Variants in BICC1 observed in about 807,000 individuals in gnomAD.
The protein encoded by BICC1 is BicC family RNA binding protein 1, also known as protein bicaudal C homolog 1.
Under a neutral mutation model 111.0 loss-of-function variants are expected in BICC1, and 43 were observed. The observed-to-expected ratio is 0.39, with a 90% CI of 0.30 to 0.50. The LOEUF (loss-of-function observed/expected upper bound fraction) is 0.50. Among genes scored for constraint, BICC1 ranks in the 20% least tolerant of loss-of-function variants. BICC1 has a pLI of 0.88. For synonymous variants in BICC1, 467 were observed against 434.4 expected (o/e 1.07, Z -0.93); for missense variants, 1,091 against 1,203.2 (o/e 0.91, Z 1.38).
chr10:58,703,931 G>A (rs1345851037), intron 3 of BICC1, among the ~76,000 whole-genome samples: 1 of 64,870 alleles, frequency 1.5e-5, no homozygotes, highest in Non-Finnish European at 2.9e-5. Context: ...CAGTATCCAT[G>A]CTGTTGTTTT....
chr10:58,629,990 G>A (rs950299688), intron 2 of BICC1, among the ~76,000 whole-genome samples: 1 of 152,094 alleles, frequency 6.6e-6, no homozygotes, highest in Non-Finnish European at 1.5e-5. Flanking sequence ...AAAAGGAGAG[G>A]AGAAGGCCTT....
intron 3 of BICC1, among the ~76,000 whole-genome samples, chr10:58,725,618 G>A (rs1841080643): frequency 6.6e-6 from 1 of 152,058 alleles, no homozygotes; most frequent in Non-Finnish European, 1.5e-5. Flanking sequence ...TTTGTCTGTG[G>A]GTTTGCTTAT....
At chr10:58,820,093 T>C (rs1230212233) in intron 19 of BICC1, among the ~76,000 whole-genome samples, 1 of 152,158 alleles carries the variant, frequency 6.6e-6, no homozygotes, top group Non-Finnish European at 1.5e-5. Context: ...CAGATAATGC[T>C]CTTCCTTTTA....
At chr10:58,796,635 T>G in intron 10 of BICC1, 109 bp downstream of exon 10, 2 of 1,095,746 alleles carry the variant, frequency 1.8e-6, no homozygotes, top group Non-Finnish European at 2.5e-6. Flanking sequence ...TTTTTTCCTT[T>G]GGGCTCTAAG....
chr10:58,607,317 AAAAT>A (rs370698110), intron 1 of BICC1, among the ~76,000 whole-genome samples: 1 of 134,668 alleles, frequency 7.4e-6, no homozygotes, highest in Non-Finnish European at 1.6e-5. Context: ...ACTCTGTCTC[AAAAT>A]AAATAAATAA....
chr10:58,528,735 G>C (rs1221559650), intron 1 of BICC1, among the ~76,000 whole-genome samples: 10 of 151,874 alleles, frequency 6.6e-5, no homozygotes, highest in Admixed American at 6.6e-4. Flanking sequence ...AGCCTCTCAG[G>C]GTTTTGGATT....
At chr10:58,627,933 T>C (rs1034846221) in intron 2 of BICC1, among the ~76,000 whole-genome samples, 2 of 152,228 alleles carry the variant, frequency 1.3e-5, no homozygotes, top group African/African-American at 4.8e-5. Flanking sequence ...ATTGGATTAT[T>C]ATGTAGGCAT....
intron 1 of BICC1, among the ~76,000 whole-genome samples, chr10:58,567,409 T>C (rs549467491): frequency 8.3e-4 from 126 of 152,096 alleles, no homozygotes; most frequent in Middle Eastern, 3.4e-3. Flanking sequence ...AGGGGAGATA[T>C]ATATATATGT....
Position 58,798,965 on chromosome 10 carries a change from A to T in BICC1, c.1529-91A>T. The T allele has an allele frequency of 2.9e-6, 3 of 1,019,206 alleles. No homozygotes were observed. The South Asian group carries it at 5.7e-5, about 19-fold the overall frequency. The allele number at this position is 1,019,206 out of a possible 1,614,324, so 63.1% of individuals were successfully genotyped here. A position where few individuals can be genotyped will look rare whatever the true frequency, so the allele number is the denominator to read the frequency against. On this transcript the variant is annotated intron_variant, in intron 11 of 20. Coordinates refer to ENST00000373886, the MANE Select transcript of BICC1 (RefSeq NM_001080512.3). ...AAATTGAATTCTTTTCTGAACTTGC[A>T]GCAACAAAAATGATATTTTTATTGT...
chr10:58,727,741 A>T (rs1397165701), intron 3 of BICC1, among the ~76,000 whole-genome samples: 1 of 152,238 alleles, frequency 6.6e-6, no homozygotes, highest in African/African-American at 2.4e-5. Flanking sequence ...AGCAAACCTG[A>T]TTAATGTCAG....
chr10:58,774,944 A>T (rs940430375), intron 3 of BICC1, among the ~76,000 whole-genome samples: 4 of 152,198 alleles, frequency 2.6e-5, no homozygotes, highest in African/African-American at 9.7e-5. Context: ...AAATTTCAGA[A>T]GATCATCTTT....
intron 3 of BICC1, among the ~76,000 whole-genome samples, chr10:58,761,235 C>G (rs1431425882): frequency 6.6e-6 from 1 of 152,130 alleles, no homozygotes; most frequent in African/African-American, 2.4e-5. Flanking sequence ...TGAAGGCTAC[C>G]CCACCTCTGT....
At chr10:58,670,883 T>G (rs909961242) in intron 2 of BICC1, among the ~76,000 whole-genome samples, 1 of 152,152 alleles carries the variant, frequency 6.6e-6, no homozygotes, top group Non-Finnish European at 1.5e-5. Flanking sequence ...TACTGACACA[T>G]GCAACAATAT....
intron 1 of BICC1, among the ~76,000 whole-genome samples, chr10:58,538,095 G>A (rs1050763922): frequency 7.9e-5 from 12 of 151,266 alleles, no homozygotes; most frequent in South Asian, 4.2e-4. Context: ...AACCAACATC[G>A]TTTTTTCAGA....
chr10:58,809,431 G>C (rs529330230), intron 17 of BICC1, among the ~76,000 whole-genome samples: 78 of 151,980 alleles, frequency 5.1e-4, no homozygotes, highest in African/African-American at 1.9e-3. Context: ...GTAGAGTCGT[G>C]GTTTCACCAT....
At chr10:58,704,260 GTAT>G (rs1435944117) in intron 3 of BICC1, among the ~76,000 whole-genome samples, 1 of 152,116 alleles carries the variant, frequency 6.6e-6, no homozygotes, top group Non-Finnish European at 1.5e-5. Flanking sequence ...CATTTATTTT[GTAT>G]TATTTATGAA....
chr10:58,664,567 A>G (rs904119190), intron 2 of BICC1, among the ~76,000 whole-genome samples: 23 of 152,178 alleles, frequency 1.5e-4, no homozygotes, highest in Admixed American at 4.6e-4. Context: ...CACATTGATA[A>G]TATTTTTCAT....
intron 3 of BICC1, among the ~76,000 whole-genome samples, chr10:58,773,089 CAAG>C (rs1842662071): frequency 6.6e-6 from 1 of 151,982 alleles, no homozygotes; most frequent in Admixed American, 6.6e-5. Flanking sequence ...AGGAGGGAGA[CAAG>C]GAGAGAGAAA....
intron 1 of BICC1, among the ~76,000 whole-genome samples, chr10:58,527,443 A>G (rs1183288127): frequency 2.6e-5 from 4 of 152,058 alleles, no homozygotes; most frequent in Non-Finnish European, 4.4e-5. Context: ...CCATTTGTCA[A>G]ATTTGGCTTT....
Sources: allele counts gnomAD v4.1 joint callset (sites outside exome capture counted in the v4.1 genomes callset), GRCh38; gene constraint gnomAD v4.1.1; transcripts MANE v1.5; gene names NCBI Gene and HGNC (gene_info 2026-07-23, HGNC 2026-07-21).